NSF: variants seen among roughly 807,000 people sequenced by gnomAD.
The protein encoded by NSF is N-ethylmaleimide sensitive factor, vesicle fusing ATPase.
Under a neutral mutation model 50.3 loss-of-function variants are expected in NSF, and 14 were observed. That is an observed-to-expected ratio of 0.28 (90% CI 0.18 to 0.44). The LOEUF is 0.44. NSF is among the 20% of genes least tolerant of loss of function. The pLI, the probability that NSF is intolerant of heterozygous loss-of-function variation, is 1.00. For missense variants in NSF, 218 were observed against 504.3 expected, an observed-to-expected ratio of 0.43 and a Z score of 5.44; for synonymous variants, 109 against 175.7, an observed-to-expected ratio of 0.62 and a Z score of 3.00.
At chr17:46,717,046 A>T (rs2058779499) in intron 15 of NSF, among the ~76,000 whole-genome samples, 1 of 152,220 alleles carries the variant, frequency 6.6e-6, no homozygotes, top group Non-Finnish European at 1.5e-5. Flanking sequence ...TATACTCCCA[A>T]GTTCATTGCA....
intron 9 of NSF, among the ~76,000 whole-genome samples, chr17:46,679,561 G>A (rs569627465): frequency 1.4e-3 from 175 of 128,266 alleles, no homozygotes; most frequent in African/African-American, 4.9e-3. Context: ...GCTTGGTGGC[G>A]CACAGCTGTA....
Position 46,721,775 on chromosome 17 carries a change from T to C in NSF, c.1762-4774T>C, listed in dbSNP as rs941827104. On this transcript the variant is annotated intron_variant, in intron 15 of 20. Transcript: ENST00000398238. ...AATTTCGCTTGGGAAGACCAAGTCCTCAAGGAAGGCATCGTGCACAGCTGT... is the reference window on the plus strand; with the variant it reads ...AATTTCGCTTGGGAAGACCAAGTCCCCAAGGAAGGCATCGTGCACAGCTGT... 3.1e-6 allele frequency: 5 copies of C among 1,602,098 alleles called. No homozygotes were observed. In the African/African-American group the frequency reaches 6.7e-5, roughly 22 times the overall value.
chr17:46,715,834 A>G (rs1428858209), intron 15 of NSF, among the ~76,000 whole-genome samples: 1 of 152,240 alleles, frequency 6.6e-6, no homozygotes, highest in Non-Finnish European at 1.5e-5. Flanking sequence ...TCAGATGAGT[A>G]GAAAGCTAGG....
intron 16 of NSF, among the ~76,000 whole-genome samples, chr17:46,727,420 A>C (rs993659239): frequency 1.3e-5 from 2 of 152,218 alleles, no homozygotes; most frequent in Non-Finnish European, 2.9e-5. Context: ...CTGGTGACTT[A>C]ATAACATCTG....
At chr17:46,749,983 C>T (rs2059165989) in intron 18 of NSF, 76 bp downstream of exon 18, 1 of 1,485,892 alleles carries the variant, frequency 6.7e-7, no homozygotes, top group Non-Finnish European at 9.2e-7. Flanking sequence ...CCACATTATA[C>T]CTGGTGTTTG....
chr17:46,735,177 T>C (rs2058988419), intron 17 of NSF, among the ~76,000 whole-genome samples: 1 of 152,228 alleles, frequency 6.6e-6, no homozygotes, highest in Admixed American at 6.5e-5. Flanking sequence ...ACATCTATAG[T>C]AGATATTAAT....
intron 19 of NSF, 34 bp from the exon 20 acceptor site, chr17:46,755,280 A>G (rs763502083): frequency 5.1e-6 from 8 of 1,557,162 alleles, no homozygotes; most frequent in Non-Finnish European, 4.4e-6. Flanking sequence ...AGAAGGTACC[A>G]TTAACCCATC....
chr17:46,718,330 G>A (rs2058795050), intron 15 of NSF, among the ~76,000 whole-genome samples: 1 of 151,808 alleles, frequency 6.6e-6, no homozygotes, highest in African/African-American at 2.4e-5. Context: ...CTCAGTGAAA[G>A]CTGATTAAAA....
At chr17:46,703,794 A>G (rs1275650131) in intron 12 of NSF, among the ~76,000 whole-genome samples, 2 of 147,624 alleles carry the variant, frequency 1.4e-5, no homozygotes, top group Non-Finnish European at 3.0e-5. Flanking sequence ...TTGTGCAACC[A>G]TCACTACCAT....
intron 17 of NSF, among the ~76,000 whole-genome samples, chr17:46,731,431 A>G (rs577951938): frequency 2.0e-5 from 3 of 152,242 alleles, no homozygotes; most frequent in South Asian, 2.1e-4. Flanking sequence ...GGTGTTGTGT[A>G]TATCTGTGAA....
intron 9 of NSF, among the ~76,000 whole-genome samples, chr17:46,687,305 T>G (rs1221816590): frequency 4.4e-4 from 62 of 142,000 alleles, no homozygotes; most frequent in Admixed American, 1.1e-3. Context: ...GCTATCCTTT[T>G]TTATTCAGTT....
At position 46,710,878 on chromosome 17, in the gene NSF, G is replaced by C; in HGVS notation, c.1471-85G>C. 3 of 1,186,324 alleles carry C rather than the reference G, an allele frequency of 2.5e-6. No individual in the cohort carries two copies. The South Asian group carries it at 4.5e-5, about 18-fold the overall frequency. 73.5% of individuals were successfully genotyped at this position (1,186,324 alleles called of 1,614,324 possible). A position where few individuals can be genotyped will look rare whatever the true frequency, so the allele number is the denominator to read the frequency against. ...TATGGGATAGTGATCAATACCTTTA[G>C]CATGTACGGATTATAACTCGTCTTT... On this transcript the variant is annotated intron_variant, in intron 13 of 20. Transcript: ENST00000398238.
chr17:46,620,340 T>TA (rs1296004069), intron 1 of NSF, among the ~76,000 whole-genome samples: 1 of 10,898 alleles, frequency 9.2e-5, no homozygotes, highest in Non-Finnish European at 1.5e-4. Context: ...TTTTTTTTTT[T>TA]AAAGATGAAG....
intron 17 of NSF, among the ~76,000 whole-genome samples, chr17:46,743,875 T>C (rs892296710): frequency 4.6e-5 from 7 of 152,200 alleles, no homozygotes; most frequent in Non-Finnish European, 7.3e-5. Flanking sequence ...CGAGTCTGCC[T>C]TTTGCTGATT....
chr17:46,694,924 AG>A (rs2058580299), intron 12 of NSF, among the ~76,000 whole-genome samples: 1 of 125,290 alleles, frequency 8.0e-6, no homozygotes, highest in Non-Finnish European at 1.7e-5. Flanking sequence ...ATTTTGAAGA[AG>A]TGTTTTTAAA....
At chr17:46,747,458 T>C (rs1038480811) in intron 17 of NSF, among the ~76,000 whole-genome samples, 3 of 152,032 alleles carry the variant, frequency 2.0e-5, no homozygotes, top group African/African-American at 7.2e-5. Context: ...TTTTGGTATT[T>C]TTGTTGAGAT....
chr17:46,707,665 T>A (rs1290450047), intron 13 of NSF, among the ~76,000 whole-genome samples: 3 of 152,164 alleles, frequency 2.0e-5, no homozygotes, highest in African/African-American at 7.2e-5. Flanking sequence ...TTATTTGACG[T>A]AGCATAATGT....
chr17:46,680,256 A>C (rs2058441725), intron 9 of NSF, among the ~76,000 whole-genome samples: 1 of 151,812 alleles, frequency 6.6e-6, no homozygotes, highest in East Asian at 1.9e-4. Context: ...ATAGTAATTG[A>C]AACAATGTTA....
chr17:46,755,332 G>T lies in NSF; in HGVS notation c.2176G>T (p.Val726Leu). ...TATTTAGATGGATCCTGAATACCGT[G>T]TGAGAAAATTCTTGGCCCTCTTAAG... ...MSLQMDPEYR[V>L]RKFLALLREE... The change falls in exon 20 of 21, where the codon GTG (valine) becomes TTG (leucine). Residue 726 changes from valine to leucine, a missense_variant. Physicochemically the swap from Val to Leu is conservative, Grantham distance 32. Coordinates refer to ENST00000398238, the MANE Select transcript of NSF (RefSeq NM_006178.4). 1 of 1,613,730 alleles carries T rather than the reference G, an allele frequency of 6.2e-7. No homozygotes were observed.
Sources: allele counts gnomAD v4.1 joint callset (sites outside exome capture counted in the v4.1 genomes callset), GRCh38; gene constraint gnomAD v4.1.1; transcripts MANE v1.5; gene names NCBI Gene and HGNC (gene_info 2026-07-23, HGNC 2026-07-21).